The following ANKRD13C variants were observed in gnomAD, a reference collection of about 807,000 sequenced individuals.
ANKRD13C encodes the protein ankyrin repeat domain 13C.
Under a neutral mutation model 65.5 loss-of-function variants are expected in ANKRD13C, and 16 were observed. The ratio of observed to expected loss-of-function variants is 0.24; its 90% CI spans 0.17 to 0.37. ANKRD13C has a LOEUF of 0.37. ANKRD13C is among the 10% of genes least tolerant of loss of function. The pLI is 1.00. For missense variants in ANKRD13C, 503 were observed against 655.9 expected (o/e 0.77, Z 2.55); for synonymous variants, 235 against 238.7 (o/e 0.98, Z 0.14).
intron 2 of ANKRD13C, among the ~76,000 whole-genome samples, chr1:70,334,329 A>C (rs955914812): frequency 6.6e-6 from 1 of 152,180 alleles, no homozygotes; most frequent in Non-Finnish European, 1.5e-5. Context: ...CTGTCTCTAA[A>C]ATAAAAATTA....
In ANKRD13C at chr1:70,329,975, A is replaced by T. The variant is rs570349420; in HGVS notation, c.473-5018T>A. On this transcript the variant is annotated intron_variant, in intron 2 of 12. Transcript: ENST00000370944. ...GGTGGTGGCACACACCTGCAATCCC[A>T]GCTACTCAGGAGGCTGAGGCAGGAG... Among the ~76,000 whole-genome samples, 3 of 151,784 alleles carry T rather than the reference A, an allele frequency of 2.0e-5. No homozygotes were observed. In the East Asian group the frequency reaches 5.8e-4, roughly 30 times the overall value.
intron 1 of ANKRD13C, among the ~76,000 whole-genome samples, chr1:70,345,545 G>A (rs1253224507): frequency 2.6e-5 from 4 of 151,916 alleles, no homozygotes; most frequent in African/African-American, 9.7e-5. Flanking sequence ...TTGTACTGAT[G>A]CATGATTCTG....
At chr1:70,315,384 A>G (rs929346393) in intron 4 of ANKRD13C, 97 bp downstream of exon 4, 7 of 1,035,100 alleles carry the variant, frequency 6.8e-6, no homozygotes, top group Non-Finnish European at 8.5e-6. Context: ...TTTGGCCCCT[A>G]ATAAGTGAGA....
intron 2 of ANKRD13C, among the ~76,000 whole-genome samples, chr1:70,334,702 A>T (rs1484171425): frequency 6.6e-6 from 1 of 152,082 alleles, no homozygotes; most frequent in East Asian, 1.9e-4. Flanking sequence ...AGGCGGGTGG[A>T]TCACCTGAGG....
intron 1 of ANKRD13C, among the ~76,000 whole-genome samples, chr1:70,347,708 G>A (rs1682589603): frequency 6.6e-6 from 1 of 152,166 alleles, no homozygotes. Context: ...CCCAAGGACA[G>A]TCCTACTCTG....
At chr1:70,265,705 G>A (rs1678586094) in intron 12 of ANKRD13C, among the ~76,000 whole-genome samples, 2 of 151,190 alleles carry the variant, frequency 1.3e-5, no homozygotes, top group Admixed American at 1.3e-4. Flanking sequence ...CATGTCTGTG[G>A]TCCCAGCTAC....
At chr1:70,266,034 C>G (rs1366091053) in intron 12 of ANKRD13C, among the ~76,000 whole-genome samples, 1 of 151,928 alleles carries the variant, frequency 6.6e-6, no homozygotes, top group Non-Finnish European at 1.5e-5. Flanking sequence ...ACATAAAAAT[C>G]AGGATATTGA....
At chr1:70,308,715 G>C (rs1217248686) in intron 5 of ANKRD13C, among the ~76,000 whole-genome samples, 2 of 147,716 alleles carry the variant, frequency 1.4e-5, no homozygotes, top group African/African-American at 5.0e-5. Context: ...CTCCAGCCTG[G>C]GCGACAGAGC....
At position 70,354,075 on chromosome 1, in the gene ANKRD13C, C is replaced by T. The variant is rs1682879213; in HGVS notation, c.334G>A (p.Ala112Thr). The change falls in exon 1 of 13, where the codon GCA becomes ACA. Residue 112 changes from alanine to threonine, a missense_variant. Around this residue, in one of 2 missense-constraint regions of ANKRD13C, gnomAD observed 203 missense variants for 177.6 expected, o/e 1.14. Transcript: ENST00000370944. ...AVVADGGSCPAHYPVHECVFK... is the reference protein window; with the variant it reads ...AVVADGGSCPTHYPVHECVFK... ...ACGCACTCGTGCACCGGGTAGTGTG[C>T]GGGGCAACTGCCTCCATCCGCGACG... The T allele has an allele frequency of 1.2e-6, 2 of 1,609,450 alleles. No homozygotes were observed. The highest frequency in any genetic ancestry group is 1.3e-5 in the African/African-American group (1 of 74,840).
intron 6 of ANKRD13C, among the ~76,000 whole-genome samples, chr1:70,302,477 A>AAAAAGGAACAGATCATTTTATATGTAAGT (rs1680406383): frequency 9.0e-6 from 1 of 110,798 alleles, no homozygotes; most frequent in African/African-American, 4.0e-5. Context: ...CTGTAATCCC[A>AAAAAGGAACAGATCATTTTATATGTAAGT]GCACTTTGGG....
intron 7 of ANKRD13C, among the ~76,000 whole-genome samples, chr1:70,297,751 TAA>T (rs1199037012): frequency 1.4e-5 from 2 of 139,996 alleles, no homozygotes; most frequent in Non-Finnish European, 1.6e-5. Context: ...CCGTCTCTAC[TAA>T]AAAAAAAAAA....
intron 4 of ANKRD13C, 38 bp downstream of exon 4, chr1:70,315,443 C>G (rs1346243888): frequency 6.5e-7 from 1 of 1,543,438 alleles, no homozygotes; most frequent in Non-Finnish European, 8.8e-7. Context: ...CTTATAATTA[C>G]TTCCAAGGTG....
At chr1:70,325,498 G>A (rs1373849588) in intron 2 of ANKRD13C, among the ~76,000 whole-genome samples, 2 of 152,118 alleles carry the variant, frequency 1.3e-5, no homozygotes, top group Non-Finnish European at 1.5e-5. Context: ...ATGATACAAC[G>A]ACAAATCTAG....
At chr1:70,348,387 T>A (rs1251942931) in intron 1 of ANKRD13C, among the ~76,000 whole-genome samples, 3 of 152,004 alleles carry the variant, frequency 2.0e-5, no homozygotes, top group African/African-American at 7.2e-5. Context: ...TGCCTCAGCC[T>A]CCCGAGTAGC....
chr1:70,282,743 G>A (rs569349142), intron 9 of ANKRD13C, among the ~76,000 whole-genome samples: 107 of 152,272 alleles, frequency 7.0e-4, no homozygotes, highest in Admixed American at 4.6e-3. Flanking sequence ...AGAGACATGC[G>A]TTTAATAGAA....
At position 70,289,849 on chromosome 1, in the gene ANKRD13C, A is replaced by G. The variant is rs1263505650; in HGVS notation, c.1215+2539T>C. Among the ~76,000 whole-genome samples, 5 of 152,146 alleles carry G rather than the reference A, an allele frequency of 3.3e-5. No individual in the cohort carries two copies. In the East Asian group the frequency reaches 9.6e-4, roughly 29 times the overall value. On this transcript the variant is annotated intron_variant, in intron 9 of 12. Coordinates refer to ENST00000370944, the MANE Select transcript of ANKRD13C (RefSeq NM_030816.5). ...AAATCACTTTTTTCAAAATAACTCT[A>G]ATAAAATTTAAATCACAATATAAGT...
chr1:70,333,384 C>T lies in ANKRD13C; in HGVS notation c.472+2674G>A, dbSNP rs940622865. Among the ~76,000 whole-genome samples the T allele has an allele frequency of 3.3e-5, 5 of 151,944 alleles. No homozygotes were observed. The South Asian group carries it at 8.3e-4, about 25-fold the overall frequency. On this transcript the variant is annotated intron_variant, in intron 2 of 12. Coordinates refer to ENST00000370944, the MANE Select transcript of ANKRD13C (RefSeq NM_030816.5). ...CAGCTGGCTGTATCTGACATATTTTCACCAAGGTTGCTAGAGATGTCAATC... is the reference window on the plus strand; with the variant it reads ...CAGCTGGCTGTATCTGACATATTTTTACCAAGGTTGCTAGAGATGTCAATC...
chr1:70,281,218 T>A (rs1405778419), intron 9 of ANKRD13C, among the ~76,000 whole-genome samples: 4 of 151,942 alleles, frequency 2.6e-5, no homozygotes, highest in Non-Finnish European at 4.4e-5. Flanking sequence ...CAGTTACCAG[T>A]GTTTATGTAC....
intron 12 of ANKRD13C, 122 bp from the exon 13 acceptor site, chr1:70,262,969 A>G: frequency 1.3e-6 from 1 of 768,094 alleles, no homozygotes; most frequent in African/African-American, 1.8e-5. Context: ...AATACTCAAG[A>G]ACCAGAAGAA....
Sources: allele counts gnomAD v4.1 joint callset (sites outside exome capture counted in the v4.1 genomes callset), GRCh38; gene constraint gnomAD v4.1.1; regional missense constraint gnomAD v4.1.1; transcripts MANE v1.5; gene names NCBI Gene and HGNC (gene_info 2026-07-23, HGNC 2026-07-21).